The following PEPD variants were observed in gnomAD, a reference collection of about 807,000 sequenced individuals.
PEPD encodes the protein xaa-Pro dipeptidase.
Under a neutral mutation model 60.7 loss-of-function variants are expected in PEPD, and 53 were observed. The ratio of observed to expected loss-of-function variants is 0.87; its 90% CI spans 0.70 to 1.10. The LOEUF is 1.10. Ranked by LOEUF, PEPD falls within the 50% of genes least tolerant of loss-of-function variation. The probability of loss-of-function intolerance (pLI) is 0.00; values close to 1 mark genes in which losing one functional copy is unlikely to be tolerated. For synonymous variants in PEPD, 267 were observed against 284.1 expected (o/e 0.94, Z 0.60); for missense variants, 711 against 711.9 (o/e 1.00, Z 0.01).
At chr19:33,488,039 AACCACACCC>A (rs1970429777) in intron 6 of PEPD, among the ~76,000 whole-genome samples, 1 of 152,020 alleles carries the variant, frequency 6.6e-6, no homozygotes, top group Non-Finnish European at 1.5e-5. Context: ...CCTGGCTGGG[AACCACACCC>A]ACCACACAGC....
chr19:33,465,951 G>A (rs987188797), intron 7 of PEPD, among the ~76,000 whole-genome samples: 2 of 152,208 alleles, frequency 1.3e-5, no homozygotes. Context: ...AAGGGTAGAA[G>A]GGTGGGGAGA....
At position 33,494,360 on chromosome 19, in the gene PEPD, C is replaced by G. The variant is rs115126134; in HGVS notation, c.394-1023G>C. Among the ~76,000 whole-genome samples the G allele has an allele frequency of 6.0e-3, 914 of 152,294 alleles. 8 individuals are homozygous for G. Among genetic ancestry groups the G allele is most frequent in the African/African-American group, 0.021 (892 of 41,554 alleles). The stretch of plus-strand genomic sequence containing the variant: ...TGATCACTGACATACTCTATGCTGC[C>G]TGTATTTAACATAGACATTTTGATA... On this transcript the variant is annotated intron_variant, in intron 4 of 14. Coordinates refer to ENST00000244137, the MANE Select transcript of PEPD (RefSeq NM_000285.4).
intron 6 of PEPD, among the ~76,000 whole-genome samples, chr19:33,485,891 C>G (rs1214791839): frequency 1.3e-5 from 2 of 150,934 alleles, no homozygotes; most frequent in African/African-American, 4.9e-5. Flanking sequence ...CACTCGCTGC[C>G]CCGGCCCAGG....
chr19:33,449,289 C>A (rs1315038326), intron 9 of PEPD, among the ~76,000 whole-genome samples: 2 of 152,254 alleles, frequency 1.3e-5, no homozygotes, highest in East Asian at 3.8e-4. Context: ...GTTCCTCCCC[C>A]TTTCTTCTGG....
intron 13 of PEPD, 21 bp downstream of exon 13, chr19:33,391,274 G>C (rs185605276): frequency 6.3e-7 from 1 of 1,589,588 alleles, no homozygotes. Context: ...AGGCCACTCC[G>C]CCTGCCATGT....
chr19:33,469,116 C>A (rs1970074961), intron 7 of PEPD, among the ~76,000 whole-genome samples: 1 of 152,170 alleles, frequency 6.6e-6, no homozygotes, highest in Non-Finnish European at 1.5e-5. Context: ...TGGGTGAGGG[C>A]CAGGATCTCC....
chr19:33,436,260 A>G (rs956217335), intron 9 of PEPD, among the ~76,000 whole-genome samples: 4 of 151,980 alleles, frequency 2.6e-5, no homozygotes, highest in Admixed American at 6.5e-5. Context: ...GCGAGCAGGA[A>G]GAAGAGGAGG....
At chr19:33,425,687 GA>G (rs1008653386) in intron 9 of PEPD, among the ~76,000 whole-genome samples, 1 of 151,678 alleles carries the variant, frequency 6.6e-6, no homozygotes, top group Non-Finnish European at 1.5e-5. Context: ...ATATTTAAAG[GA>G]AAAAAAATGA....
At chr19:33,497,724 C>T (rs1024976642) in intron 4 of PEPD, among the ~76,000 whole-genome samples, 34 of 152,306 alleles carry the variant, frequency 2.2e-4, no homozygotes, top group African/African-American at 7.9e-4. Context: ...CCTGTAACCT[C>T]CCATGATGCA....
Position 33,512,752 on chromosome 19 carries a change from T to C in PEPD, c.42A>G (p.Glu14=), listed in dbSNP as rs527981355. The C allele has an allele frequency of 1.2e-6, 2 of 1,614,098 alleles. No individual in the cohort carries two copies. Among genetic ancestry groups the C allele is most frequent in the South Asian group, 2.2e-5 (2 of 91,090 alleles). ...AGAGCGCCAGCGGCACCTTCAGGGT[T>C]TCATTCCCCAGCCAAAACGAGGGTC... ...ATGPSFWLGN[E]TLKVPLALFA... The change falls in exon 2 of 15, where the codon GAA becomes GAG. Residue 14 remains glutamate, a synonymous_variant. Transcript: ENST00000244137.
At chr19:33,511,180 T>C in intron 2 of PEPD, 25 bp from the exon 3 acceptor site, 1 of 1,613,442 alleles carries the variant, frequency 6.2e-7, no homozygotes, top group African/African-American at 1.3e-5. Context: ...AGAACTATTG[T>C]TAGCCAGTGG....
At chr19:33,502,432 T>C (rs1326362642) in intron 3 of PEPD, among the ~76,000 whole-genome samples, 1 of 152,200 alleles carries the variant, frequency 6.6e-6, no homozygotes, top group African/African-American at 2.4e-5. Context: ...TTTTTCATGC[T>C]GACTTCCTAG....
intron 6 of PEPD, among the ~76,000 whole-genome samples, chr19:33,489,637 T>TA (rs1484346443): frequency 6.7e-6 from 1 of 150,232 alleles, no homozygotes; most frequent in East Asian, 2.0e-4. Flanking sequence ...TCAAAAAAAA[T>TA]AAAAAAATAA....
At chr19:33,399,079 G>C (rs997125613) in intron 12 of PEPD, among the ~76,000 whole-genome samples, 1 of 152,106 alleles carries the variant, frequency 6.6e-6, no homozygotes, top group Non-Finnish European at 1.5e-5. Flanking sequence ...CGCCTCCTAG[G>C]TTCAAGCGAT....
At chr19:33,437,209 T>A (rs1449847023) in intron 9 of PEPD, among the ~76,000 whole-genome samples, 1 of 152,176 alleles carries the variant, frequency 6.6e-6, no homozygotes, top group East Asian at 1.9e-4. Flanking sequence ...CTACTCTGAA[T>A]GTTAGTGTCT....
rs74174670 is a variant in PEPD at position 33,520,064 on chromosome 19, C to CAA, written c.17+1678_17+1679dup. 9.9e-4 allele frequency among the ~76,000 whole-genome samples: 133 copies of CAA among 134,608 alleles called. 2 individuals are homozygous for CAA. The highest frequency in any genetic ancestry group is 3.8e-3 in the Middle Eastern group (1 of 264). 88.3% of individuals were successfully genotyped at this position (134,608 alleles called of 152,430 possible). On this transcript the variant is annotated intron_variant, in intron 1 of 14. Coordinates refer to ENST00000244137, the MANE Select transcript of PEPD (RefSeq NM_000285.4). ...GGGCAACAAGAGCAAAACTACGTCT[C>CAA]AAAAAAAAAAAAAGAAAGAGAAAAA...
chr19:33,428,793 G>A (rs1326221789), intron 9 of PEPD, among the ~76,000 whole-genome samples: 3 of 152,246 alleles, frequency 2.0e-5, no homozygotes, highest in Non-Finnish European at 4.4e-5. Flanking sequence ...CCACAGTGAT[G>A]AGCACACAGT....
chr19:33,396,752 G>A (rs1315624653), intron 12 of PEPD, among the ~76,000 whole-genome samples: 3 of 152,038 alleles, frequency 2.0e-5, no homozygotes, highest in Non-Finnish European at 2.9e-5. Context: ...GCTGGGAGGC[G>A]AGGCTACAGG....
intron 9 of PEPD, among the ~76,000 whole-genome samples, chr19:33,429,458 C>A (rs1169944810): frequency 6.6e-6 from 1 of 152,214 alleles, no homozygotes; most frequent in Non-Finnish European, 1.5e-5. Flanking sequence ...TTCTTAAATG[C>A]AGTTTAGCTC....
Sources: allele counts gnomAD v4.1 joint callset (sites outside exome capture counted in the v4.1 genomes callset), GRCh38; gene constraint gnomAD v4.1.1; transcripts MANE v1.5; gene names NCBI Gene and HGNC (gene_info 2026-07-23, HGNC 2026-07-21).